Variants in KMT2C observed in about 807,000 individuals in gnomAD.
KMT2C encodes the protein histone-lysine N-methyltransferase 2C.
In KMT2C, 88 loss-of-function variants were observed where a neutral mutation model predicts 507.9. That is an observed-to-expected ratio of 0.17 (90% CI 0.15 to 0.21). The LOEUF is 0.21. Among genes scored for constraint, KMT2C ranks in the 10% least tolerant of loss-of-function variants. The probability of loss-of-function intolerance (pLI) is 1.00; values close to 1 mark genes in which losing one functional copy is unlikely to be tolerated. For synonymous variants in KMT2C, 2,049 were observed against 2,080.8 expected, an observed-to-expected ratio of 0.98 and a Z score of 0.42; for missense variants, 4,954 against 5,957.8, an observed-to-expected ratio of 0.83 and a Z score of 5.55.
At position 152,151,574 on chromosome 7, in the gene KMT2C, A is replaced by G; in HGVS notation, c.12534T>C (p.Ser4178=). Residue 4178 remains serine, a synonymous_variant, in exon 50 of 59, where the codon TCT becomes TCC. Coordinates refer to ENST00000262189, the MANE Select transcript of KMT2C (RefSeq NM_170606.3). ...TACCATGACTAGAATCCTTATATCCAGAAAGACCTAAAGGCAATCAACTTT... is the reference window on the plus strand; with the variant it reads ...TACCATGACTAGAATCCTTATATCCGGAAAGACCTAAAGGCAATCAACTTT... ...VPFPPTSNGL[S]GYKDSSHGIA... is the part of the protein sequence containing the mutation. 1 of 1,613,750 alleles carries G rather than the reference A, an allele frequency of 6.2e-7. No individual in the cohort carries two copies. Among genetic ancestry groups the G allele is most frequent in the Non-Finnish European group, 8.5e-7 (1 of 1,179,830 alleles).
At chr7:152,284,937 A>C (rs1178281079) in intron 6 of KMT2C, among the ~76,000 whole-genome samples, 1 of 152,242 alleles carries the variant, frequency 6.6e-6, no homozygotes, top group Non-Finnish European at 1.5e-5. Flanking sequence ...ATGTACAGCA[A>C]ATGGAACTCT....
At chr7:152,170,175 G>C (rs986250919) in intron 40 of KMT2C, among the ~76,000 whole-genome samples, 1 of 152,162 alleles carries the variant, frequency 6.6e-6, no homozygotes, top group South Asian at 2.1e-4. Flanking sequence ...TAAATTCATA[G>C]TGGAACTATA....
At chr7:152,193,708 C>T (rs563370373) in intron 31 of KMT2C, among the ~76,000 whole-genome samples, 1 of 152,122 alleles carries the variant, frequency 6.6e-6, no homozygotes, top group Admixed American at 6.5e-5. Context: ...ACAGCAAGTG[C>T]CTATGTGGCA....
chr7:152,230,186 C>T, intron 17 of KMT2C, 34 bp downstream of exon 17: 1 of 1,247,776 alleles, frequency 8.0e-7, no homozygotes, highest in Non-Finnish European at 1.2e-6. Flanking sequence ...AGGAGGAATT[C>T]AATGAGGAAG....
chr7:152,224,807 C>G (rs1231335967), intron 18 of KMT2C, among the ~76,000 whole-genome samples, 191 bp from the exon 19 acceptor site: 1 of 152,084 alleles, frequency 6.6e-6, no homozygotes, highest in Non-Finnish European at 1.5e-5. Flanking sequence ...GCCTACTGAG[C>G]AGAATAATAG....
At chr7:152,417,068 AG>A (rs1170280587) in intron 1 of KMT2C, among the ~76,000 whole-genome samples, 18 of 149,708 alleles carry the variant, frequency 1.2e-4, no homozygotes, top group African/African-American at 4.5e-4. Context: ...AAAAAAAAAA[AG>A]AGTTTATATT....
chr7:152,290,252 GTA>G (rs1554617000), intron 6 of KMT2C, among the ~76,000 whole-genome samples: 589 of 57,806 alleles, frequency 0.01, 1 homozygote, highest in South Asian at 0.013. Context: ...GTGTGTGTGT[GTA>G]TGTGTATATA....
At chr7:152,354,688 G>A (rs944535207) in intron 2 of KMT2C, among the ~76,000 whole-genome samples, 2 of 152,158 alleles carry the variant, frequency 1.3e-5, no homozygotes, top group African/African-American at 4.8e-5. Context: ...AAGCAAAGAA[G>A]ACAAAAAGTG....
At chr7:152,412,694 C>A (rs998735711) in intron 1 of KMT2C, among the ~76,000 whole-genome samples, 4 of 152,030 alleles carry the variant, frequency 2.6e-5, no homozygotes, top group Admixed American at 2.6e-4. Context: ...AATAAACTAG[C>A]TTAAATGCAC....
intron 35 of KMT2C, 140 bp from the exon 36 acceptor site, chr7:152,182,734 G>T: frequency 1.2e-6 from 1 of 818,322 alleles, no homozygotes; most frequent in Non-Finnish European, 1.9e-6. Context: ...ATGAATTCCT[G>T]AAGAAGAGAA....
chr7:152,178,434 T>C (rs1368021750), intron 37 of KMT2C, among the ~76,000 whole-genome samples: 1 of 152,196 alleles, frequency 6.6e-6, no homozygotes, highest in Non-Finnish European at 1.5e-5. Flanking sequence ...TTCATACCTA[T>C]TGAGGGACTT....
chr7:152,393,141 A>G (rs184201161), intron 1 of KMT2C, among the ~76,000 whole-genome samples: 6 of 152,280 alleles, frequency 3.9e-5, no homozygotes, highest in Admixed American at 6.5e-5. Context: ...TGCTACCTCT[A>G]TAACTCACAC....
intron 2 of KMT2C, among the ~76,000 whole-genome samples, chr7:152,348,599 TAAAAAAAAAAAAAAA>T (rs201530125): frequency 2.0e-5 from 1 of 48,992 alleles, no homozygotes; most frequent in Non-Finnish European, 4.5e-5. Context: ...AACTCTGTCT[TAAAAAAAAAAAAAAA>T]AAAAAAAAAA....
chr7:152,233,416 A>C (rs1166020678), intron 16 of KMT2C, among the ~76,000 whole-genome samples: 2 of 152,364 alleles, frequency 1.3e-5, no homozygotes, highest in South Asian at 4.1e-4. Context: ...CCTAAACTTC[A>C]CAAGTGTCCC....
chr7:152,206,656 G>A (rs976805321), intron 24 of KMT2C, among the ~76,000 whole-genome samples: 9 of 151,964 alleles, frequency 5.9e-5, no homozygotes, highest in Admixed American at 1.3e-4. Context: ...TGTGATAAGC[G>A]GGAAAAAAAT....
At chr7:152,293,132 AAAGAAT>A (rs1172617474) in intron 6 of KMT2C, among the ~76,000 whole-genome samples, 25 of 152,232 alleles carry the variant, frequency 1.6e-4, no homozygotes, top group Non-Finnish European at 1.5e-5. Context: ...TCAAATACAC[AAAGAAT>A]AAAACAGAGA....
chr7:152,186,379 G>A (rs781749898), intron 33 of KMT2C, among the ~76,000 whole-genome samples: 35 of 152,276 alleles, frequency 2.3e-4, no homozygotes, highest in Non-Finnish European at 3.8e-4. Flanking sequence ...ACCCATGTAC[G>A]TTCATAAACA....
At chr7:152,364,071 T>TCC (rs1015995841) in intron 1 of KMT2C, among the ~76,000 whole-genome samples, 2 of 152,086 alleles carry the variant, frequency 1.3e-5, no homozygotes, top group Admixed American at 1.3e-4. Context: ...TTCTAGACCA[T>TCC]CCCTAAAAGA....
In KMT2C at chr7:152,157,675, C is replaced by T. The variant is rs1353857065; in HGVS notation, c.11670+1188G>A. The T allele has an allele frequency of 5.6e-6, 5 of 895,236 alleles. No individual in the cohort carries two copies. The East Asian group carries it at 4.0e-4, about 72-fold the overall frequency. 55.5% of individuals were successfully genotyped at this position (895,236 alleles called of 1,614,324 possible). On this transcript the variant is annotated intron_variant, in intron 44 of 58. Transcript: ENST00000262189. ...TAAAACTTGGAAGAGTAGATGTAAA[C>T]TAAATACAAAAATAAGACAAGCTCT...
Sources: gnomAD v4.1 joint callset for allele counts (sites outside exome capture counted in the v4.1 genomes callset) on GRCh38, gnomAD v4.1.1 for gene constraint, MANE v1.5 for transcripts, NCBI Gene and HGNC (gene_info 2026-07-23, HGNC 2026-07-21) for gene names.